The following GPR161 variants were observed in gnomAD, a reference collection of about 807,000 sequenced individuals.
GPR161 encodes G protein-coupled receptor 161, also known as G-protein coupled receptor RE2.
In GPR161, 25 loss-of-function variants were observed where a neutral mutation model predicts 39.2. The ratio of observed to expected loss-of-function variants is 0.64; its 90% CI spans 0.47 to 0.89. The LOEUF (loss-of-function observed/expected upper bound fraction) is 0.89. Ranked by LOEUF, GPR161 falls within the 40% of genes least tolerant of loss-of-function variation. The pLI is 0.00. For missense variants in GPR161, 547 were observed against 677.8 expected (o/e 0.81, Z 2.14); for synonymous variants, 286 against 276.6 (o/e 1.03, Z -0.34).
intron 3 of GPR161, among the ~76,000 whole-genome samples, chr1:168,094,199 A>C (rs1419669087): frequency 6.6e-6 from 1 of 152,336 alleles, no homozygotes; most frequent in East Asian, 1.9e-4. Flanking sequence ...TTGTTCTACG[A>C]ACCCTTTCCT....
intron 4 of GPR161, among the ~76,000 whole-genome samples, chr1:168,090,001 G>A (rs1002562274): frequency 2.6e-5 from 4 of 152,204 alleles, no homozygotes; most frequent in African/African-American, 9.7e-5. Context: ...GGAGTGAGGA[G>A]ACAAGGCCAG....
intron 3 of GPR161, among the ~76,000 whole-genome samples, chr1:168,093,864 T>C (rs1695285627): frequency 6.6e-6 from 1 of 152,190 alleles, no homozygotes; most frequent in African/African-American, 2.4e-5. Flanking sequence ...TCTGCTTTGG[T>C]TCCCAGACTC....
Position 168,110,646 on chromosome 1 carries a change from G to A in GPR161, c.-44-5752C>T, listed in dbSNP as rs534057602. ...AAAGCTTTTAAAAAGAAAAGAAGCC[G>A]GGCGTGGTGACTCACTCCCGTAATC... is the stretch of plus-strand genomic sequence containing the variant. On this transcript the variant is annotated intron_variant, in intron 1 of 5. Coordinates refer to ENST00000682931, the MANE Select transcript of GPR161 (RefSeq NM_001375883.1). 2.3e-4 allele frequency among the ~76,000 whole-genome samples: 35 copies of A among 151,662 alleles called. No homozygotes were observed. In the South Asian group the frequency reaches 4.8e-3, roughly 21 times the overall value.
chr1:168,086,657 C>A lies in GPR161; in HGVS notation c.1325-861G>T, dbSNP rs369993227. 7.8e-4 allele frequency among the ~76,000 whole-genome samples: 119 copies of A among 152,160 alleles called. 1 individual carries two copies. In the South Asian group the frequency reaches 0.023, roughly 29 times the overall value. ...GCAGGACTGATGGGGCAAGTGTGGC[C>A]CTACGTGGGCTGGGGGGTTGGGGAG... is the stretch of plus-strand genomic sequence containing the variant. On this transcript the variant is annotated intron_variant, in intron 5 of 5. Transcript: ENST00000682931.
intron 2 of GPR161, among the ~76,000 whole-genome samples, chr1:168,102,466 A>C (rs1696194191): frequency 6.6e-6 from 1 of 151,900 alleles, no homozygotes; most frequent in Admixed American, 6.6e-5. Flanking sequence ...GTAGCCCACC[A>C]CTCCAAGGAT....
At chr1:168,105,402 A>C (rs1161004807) in intron 1 of GPR161, among the ~76,000 whole-genome samples, 1 of 152,144 alleles carries the variant, frequency 6.6e-6, no homozygotes, top group Non-Finnish European at 1.5e-5. Context: ...GATCACCATC[A>C]CCTGAGAGCT....
intron 1 of GPR161, among the ~76,000 whole-genome samples, chr1:168,115,963 A>G (rs574967684): frequency 5.7e-4 from 86 of 151,846 alleles, no homozygotes; most frequent in African/African-American, 2.0e-3. Context: ...ATTTTTAGTA[A>G]AGACGGGGTT....
intron 1 of GPR161, among the ~76,000 whole-genome samples, chr1:168,134,672 T>C (rs978192110): frequency 6.6e-6 from 1 of 152,208 alleles, no homozygotes; most frequent in Non-Finnish European, 1.5e-5. Flanking sequence ...TTTGAATCAG[T>C]TGCTATCTTT....
rs754741714 is a variant in GPR161, at chr1:168,087,715, G to A, written c.1205-11C>T. Reference sequence around the variant, plus strand: ...GCATCATATCTGTCCCTAAAACAACGGGCAGATTGTGCATATGTAACTACA... The same window carrying A: ...GCATCATATCTGTCCCTAAAACAACAGGCAGATTGTGCATATGTAACTACA... On this transcript the variant is annotated splice_polypyrimidine_tract_variant and intron_variant, in intron 4 of 5. Coordinates refer to ENST00000682931, the MANE Select transcript of GPR161 (RefSeq NM_001375883.1). 2.8e-5 allele frequency: 45 copies of A among 1,604,468 alleles called. No homozygotes were observed. The highest frequency in any genetic ancestry group is 4.0e-5 in the African/African-American group (3 of 74,598).
At chr1:168,096,133 C>CAAAA (rs58096092) in intron 3 of GPR161, among the ~76,000 whole-genome samples, 6 of 44,740 alleles carry the variant, frequency 1.3e-4, no homozygotes, top group South Asian at 3.0e-3. Context: ...GACCCTGTCT[C>CAAAA]AAAAAAAAAA....
At chr1:168,105,146 G>A (rs1004650731) in intron 1 of GPR161, among the ~76,000 whole-genome samples, 2 of 152,128 alleles carry the variant, frequency 1.3e-5, no homozygotes, top group Non-Finnish European at 2.9e-5. Flanking sequence ...ATTTTCCCAA[G>A]ACCAGTGGTT....
chr1:168,136,373 G>C (rs778499934), intron 1 of GPR161: 26 of 1,444,966 alleles, frequency 1.8e-5, no homozygotes, highest in South Asian at 1.1e-4. Flanking sequence ...GCAGAGTCCC[G>C]GGCACGCACC....
Position 168,085,324 on chromosome 1 carries a change from C to T in GPR161, c.*207G>A, listed in dbSNP as rs1038600045. 8.4e-6 allele frequency: 5 copies of T among 596,742 alleles called. No homozygotes were observed. The highest frequency in any genetic ancestry group is 1.5e-5 in the Non-Finnish European group (5 of 335,814). The allele number at this position is 596,742 out of a possible 1,614,324, so 37.0% of individuals were successfully genotyped here. On this transcript the variant is annotated 3_prime_UTR_variant, in exon 6 of 6. Coordinates refer to ENST00000682931, the MANE Select transcript of GPR161 (RefSeq NM_001375883.1). Reference sequence around the variant, plus strand: ...ATCACTGGGACCTAAAAGAAGCTCACATGTGGTCTCTGGAAATGCTGAAGC... The same window carrying T: ...ATCACTGGGACCTAAAAGAAGCTCATATGTGGTCTCTGGAAATGCTGAAGC...
intron 1 of GPR161, chr1:168,134,787 A>T (rs1699243323): frequency 2.4e-6 from 2 of 834,672 alleles, no homozygotes; most frequent in Non-Finnish European, 3.9e-6. Flanking sequence ...CTGCCCCCTT[A>T]CTGGAGACAG....
rs774218054 is a variant in GPR161, at chr1:168,090,599, G to A, written c.1169C>T (p.Thr390Met). ...GGQPLGHSSS[T>M]GDTGFSCSQD... ...GGAGCAGCTGAAGCCAGTGTCCCCC[G>A]TGCTGCTGCTGTGCCCCAGGGGCTG... Residue 390 changes from threonine to methionine, a missense_variant, in exon 4 of 6, where the codon ACG (threonine) becomes ATG (methionine). Physicochemically the swap from Thr to Met is moderately conservative, Grantham distance 81. Coordinates refer to ENST00000682931, the MANE Select transcript of GPR161 (RefSeq NM_001375883.1). 1.6e-5 allele frequency: 25 copies of A among 1,610,340 alleles called. No individual in the cohort carries two copies. The highest frequency in any genetic ancestry group is 2.1e-5 in the Non-Finnish European group (25 of 1,176,810).
intron 1 of GPR161, among the ~76,000 whole-genome samples, chr1:168,121,340 G>A (rs1698142997): frequency 6.6e-6 from 1 of 152,174 alleles, no homozygotes; most frequent in African/African-American, 2.4e-5. Flanking sequence ...AACCCCCTCT[G>A]CAGTTTTTGT....
intron 3 of GPR161, 125 bp downstream of exon 3, chr1:168,096,383 A>T: frequency 1.0e-6 from 1 of 973,510 alleles, no homozygotes. Context: ...TTCCGAAAGG[A>T]AATCTGTGCT....
intron 1 of GPR161, among the ~76,000 whole-genome samples, chr1:168,126,929 G>A (rs76976770): frequency 0.02 from 3,059 of 152,132 alleles, 53 homozygotes; most frequent in Middle Eastern, 0.061. Context: ...AAAGAACATG[G>A]GCCTTGGAAT....
chr1:168,108,559 C>T (rs7556350), intron 1 of GPR161, among the ~76,000 whole-genome samples: 47,345 of 115,286 alleles, frequency 0.41, 8,241 homozygotes, highest in Admixed American at 0.55. Context: ...CATACACACA[C>T]AAATATATAT....
Sources: gnomAD v4.1 joint callset for allele counts (sites outside exome capture counted in the v4.1 genomes callset) on GRCh38, gnomAD v4.1.1 for gene constraint, MANE v1.5 for transcripts, NCBI Gene and HGNC (gene_info 2026-07-23, HGNC 2026-07-21) for gene names.